KCNMA1: variants seen among roughly 807,000 people sequenced by gnomAD.
KCNMA1 encodes Calcium-activated potassium channel subunit alpha-1.
A neutral mutation model predicts 140.0 loss-of-function variants in KCNMA1; 29 were observed. The ratio of observed to expected loss-of-function variants is 0.21; its 90% confidence interval spans 0.15 to 0.28. The LOEUF is 0.28. KCNMA1 is among the 10% of genes least tolerant of loss of function. KCNMA1 has a pLI of 1.00. For missense variants in KCNMA1, 880 were observed against 1,602.2 expected (o/e 0.55, Z 7.70); for synonymous variants, 612 against 611.9 (o/e 1.00, Z 0.00).
At chr10:77,048,918 G>T (rs765644088) in intron 14 of KCNMA1, among the ~76,000 whole-genome samples, 2 of 152,052 alleles carry the variant, frequency 1.3e-5, no homozygotes, top group Admixed American at 6.6e-5. Context: ...CTGCCACCAC[G>T]CCCGGTTAAT....
At chr10:77,632,328 A>G (rs1345657841) in intron 1 of KCNMA1, among the ~76,000 whole-genome samples, 1 of 152,168 alleles carries the variant, frequency 6.6e-6, no homozygotes, top group Non-Finnish European at 1.5e-5. Flanking sequence ...AGAGACCGTG[A>G]CATCACTTGG....
intron 2 of KCNMA1, among the ~76,000 whole-genome samples, chr10:77,369,098 T>A (rs1440730024): frequency 6.6e-6 from 1 of 152,214 alleles, no homozygotes; most frequent in Non-Finnish European, 1.5e-5. Flanking sequence ...TAGATTTTGG[T>A]TGGAGTTACA....
intron 3 of KCNMA1, among the ~76,000 whole-genome samples, chr10:77,223,353 T>C (rs1038127537): frequency 6.6e-6 from 1 of 152,180 alleles, no homozygotes; most frequent in Admixed American, 6.5e-5. Context: ...CACCTGCTCA[T>C]CTTGGTCCTG....
intron 5 of KCNMA1, among the ~76,000 whole-genome samples, chr10:77,171,737 T>G (rs1249065927): frequency 6.6e-6 from 1 of 152,152 alleles, no homozygotes; most frequent in Admixed American, 6.5e-5. Flanking sequence ...ATTCTCCAGG[T>G]TTAGGGTTGA....
chr10:77,488,536 T>G (rs749908131), intron 1 of KCNMA1, among the ~76,000 whole-genome samples: 1 of 152,172 alleles, frequency 6.6e-6, no homozygotes, highest in African/African-American at 2.4e-5. Flanking sequence ...GATCTGTTGA[T>G]AGGCTCCACA....
chr10:77,589,387 C>T (rs2078280360), intron 1 of KCNMA1, among the ~76,000 whole-genome samples: 3 of 152,140 alleles, frequency 2.0e-5, no homozygotes, highest in African/African-American at 7.2e-5. Context: ...GGATGTGGTG[C>T]TCCTTTCCTG....
chr10:77,040,344 C>T (rs1349338063), intron 14 of KCNMA1, among the ~76,000 whole-genome samples: 1 of 151,838 alleles, frequency 6.6e-6, no homozygotes, highest in African/African-American at 2.4e-5. Context: ...GTATTCATAG[C>T]AAAGAAACAG....
Position 76,945,108 on chromosome 10 carries a change from G to A in KCNMA1, c.2710-143C>T, listed in dbSNP as rs1348716022. 3 of 764,214 alleles carry A rather than the reference G, an allele frequency of 3.9e-6. No individual in the cohort carries two copies. In the African/African-American group the frequency reaches 5.2e-5, roughly 13 times the overall value. The allele number at this position is 764,214 out of a possible 1,614,324, so 47.3% of individuals were successfully genotyped here. A position where few individuals can be genotyped will look rare whatever the true frequency, so the allele number is the denominator to read the frequency against. On this transcript the variant is annotated intron_variant, in intron 22 of 27. Transcript: ENST00000286628. Reference sequence around the variant, plus strand: ...GGAGCTTTGGGAAATTATTTAACAAGTATCTTTTTTATGCCTTGACATTAA... The same window carrying A: ...GGAGCTTTGGGAAATTATTTAACAAATATCTTTTTTATGCCTTGACATTAA...
chr10:77,262,036 C>T (rs2062154317), intron 2 of KCNMA1, among the ~76,000 whole-genome samples: 1 of 152,146 alleles, frequency 6.6e-6, no homozygotes, highest in Admixed American at 6.6e-5. Flanking sequence ...CTATCTTTGC[C>T]CTACTTCTCA....
chr10:77,629,011 A>G (rs1273698875), intron 1 of KCNMA1, among the ~76,000 whole-genome samples: 2 of 152,262 alleles, frequency 1.3e-5, no homozygotes. Flanking sequence ...GTGAACCAGC[A>G]TAAAGAATAG....
chr10:77,460,416 CA>C (rs1289611626), intron 1 of KCNMA1, among the ~76,000 whole-genome samples: 2 of 151,840 alleles, frequency 1.3e-5, no homozygotes, highest in African/African-American at 2.4e-5. Context: ...ATCATTAGAC[CA>C]AAAAAACACC....
At chr10:77,439,492 G>A (rs933543023) in intron 1 of KCNMA1, among the ~76,000 whole-genome samples, 6 of 152,122 alleles carry the variant, frequency 3.9e-5, no homozygotes, top group Non-Finnish European at 5.9e-5. Context: ...AGGAACATCT[G>A]CACACATCAT....
At chr10:77,169,021 C>G (rs1262952319) in intron 5 of KCNMA1, among the ~76,000 whole-genome samples, 8 of 152,172 alleles carry the variant, frequency 5.3e-5, no homozygotes, top group Admixed American at 4.6e-4. Flanking sequence ...AACTCCTGAT[C>G]TAGTTGATGA....
chr10:77,122,312 C>A (rs1396357681), intron 5 of KCNMA1, among the ~76,000 whole-genome samples: 1 of 152,152 alleles, frequency 6.6e-6, no homozygotes, highest in Non-Finnish European at 1.5e-5. Context: ...AAGGATTAAC[C>A]ATCATGAACA....
At chr10:77,072,955 C>A (rs1388305515) in intron 14 of KCNMA1, 142 bp downstream of exon 14, 6 of 779,304 alleles carry the variant, frequency 7.7e-6, no homozygotes, top group Non-Finnish European at 1.3e-5. Context: ...TGGCTTCATG[C>A]CCAAATCCGT....
chr10:77,166,514 C>T lies in KCNMA1; in HGVS notation c.808+16907G>A, dbSNP rs1402960705. On this transcript the variant is annotated intron_variant, in intron 5 of 27. Coordinates refer to ENST00000286628, the MANE Select transcript of KCNMA1 (RefSeq NM_001161352.2). ...TAATACTGCAACACATACTAGTTTG[C>T]AAAGGGCAAGTCGCTATGGCCAAAA... Among the ~76,000 whole-genome samples, 5 of 151,584 alleles carry T rather than the reference C, an allele frequency of 3.3e-5. 1 individual carries two copies. Among genetic ancestry groups the T allele is most frequent in the African/African-American group, 1.2e-4 (5 of 41,188 alleles).
At chr10:77,434,646 G>A (rs752682795) in intron 1 of KCNMA1, among the ~76,000 whole-genome samples, 5 of 152,132 alleles carry the variant, frequency 3.3e-5, no homozygotes, top group Non-Finnish European at 2.9e-5. Flanking sequence ...CCATCAATAC[G>A]GGTGAAATAG....
intron 5 of KCNMA1, 94 bp downstream of exon 5, chr10:77,183,327 T>G (rs1384756720): frequency 2.4e-6 from 2 of 829,914 alleles, no homozygotes; most frequent in Non-Finnish European, 4.2e-6. Flanking sequence ...TACAACATTG[T>G]TTGTAGGGAG....
At chr10:77,463,226 A>C (rs2097911833) in intron 1 of KCNMA1, among the ~76,000 whole-genome samples, 1 of 152,136 alleles carries the variant, frequency 6.6e-6, no homozygotes, top group Admixed American at 6.5e-5. Flanking sequence ...GGCCCTGCGT[A>C]GCCTGGGAAG....
Sources: allele counts gnomAD v4.1 joint callset (sites outside exome capture counted in the v4.1 genomes callset), GRCh38; gene constraint gnomAD v4.1.1; transcripts MANE v1.5; gene names NCBI Gene and HGNC (gene_info 2026-07-23, HGNC 2026-07-21).